ADGRV1: variants seen among roughly 807,000 people sequenced by gnomAD.
ADGRV1 encodes the protein adhesion G protein-coupled receptor V1, also known as G-protein coupled receptor 98.
A neutral mutation model predicts 596.2 loss-of-function variants in ADGRV1; 359 were observed. That is an observed-to-expected ratio of 0.60 (90% CI 0.55 to 0.66). ADGRV1 has a LOEUF of 0.66. Among genes scored for constraint, ADGRV1 ranks in the 30% least tolerant of loss-of-function variants. ADGRV1 has a pLI of 0.00. For missense variants in ADGRV1, 7,274 were observed against 7,575.6 expected (o/e 0.96, Z 1.48); for synonymous variants, 2,681 against 2,679.2 (o/e 1.00, Z -0.02).
At position 90,710,318 on chromosome 5, in the gene ADGRV1, A is replaced by C. The variant is rs1424405281; in HGVS notation, c.8825-663A>C. Among the ~76,000 whole-genome samples, 5 of 152,232 alleles carry C rather than the reference A, an allele frequency of 3.3e-5. No individual in the cohort carries two copies. The East Asian group carries it at 9.6e-4, about 29-fold the overall frequency. On this transcript the variant is annotated intron_variant, in intron 39 of 89. Transcript: ENST00000405460. Reference sequence around the variant, plus strand: ...AATATTTTAAGACTAGCCCAGGAGCAGGGTTAGTAATATTTTAAGACTGAA... The same window carrying C: ...AATATTTTAAGACTAGCCCAGGAGCCGGGTTAGTAATATTTTAAGACTGAA...
At chr5:90,817,908 G>T (rs984365146) in intron 75 of ADGRV1, among the ~76,000 whole-genome samples, 5 of 152,112 alleles carry the variant, frequency 3.3e-5, no homozygotes, top group Non-Finnish European at 7.3e-5. Flanking sequence ...CTCTTTTTTG[G>T]TTCCATACAA....
chr5:90,627,298 A>T lies in ADGRV1; in HGVS notation c.760A>T (p.Ile254Phe). The part of the protein sequence containing the change: ...EINTSRNSIE[I>F]IIKKNDSPVR... ...TAACACCTCTAGGAATTCCATTGAG[A>T]TCATCATTAAGAAAAATGATAGTCC... Residue 254 changes from isoleucine (I) to phenylalanine (F), a missense_variant, in exon 7 of 90, where the codon ATC becomes TTC. Physicochemically the swap from Ile to Phe is conservative, Grantham distance 21 (BLOSUM62 0). Coordinates refer to ENST00000405460, the MANE Select transcript of ADGRV1 (RefSeq NM_032119.4). 1 of 1,612,656 alleles carries T rather than the reference A, an allele frequency of 6.2e-7. No homozygotes were observed.
intron 87 of ADGRV1, among the ~76,000 whole-genome samples, chr5:91,103,701 G>A (rs1791595790): frequency 6.6e-6 from 1 of 152,016 alleles, no homozygotes; most frequent in South Asian, 2.1e-4. Context: ...TTTTTTTGAA[G>A]GCAGTATTTG....
intron 1 of ADGRV1, among the ~76,000 whole-genome samples, chr5:90,575,531 G>T (rs1291855752): frequency 2.0e-5 from 3 of 152,166 alleles, no homozygotes; most frequent in African/African-American, 7.2e-5. Context: ...ATTGCAGGAT[G>T]GCCCTTTTCA....
intron 33 of ADGRV1, among the ~76,000 whole-genome samples, chr5:90,696,365 G>A (rs1193944094): frequency 6.6e-6 from 1 of 151,986 alleles, no homozygotes; most frequent in Non-Finnish European, 1.5e-5. Flanking sequence ...CTGGAGACTG[G>A]TACTTGATGC....
At chr5:90,862,186 T>G (rs991213865) in intron 82 of ADGRV1, among the ~76,000 whole-genome samples, 21 of 152,246 alleles carry the variant, frequency 1.4e-4, no homozygotes, top group Non-Finnish European at 1.9e-4. Context: ...AAGCTCTTCT[T>G]GTGCACTAGA....
intron 86 of ADGRV1, among the ~76,000 whole-genome samples, chr5:91,075,465 T>C (rs1248127055): frequency 6.6e-6 from 1 of 152,120 alleles, no homozygotes; most frequent in African/African-American, 2.4e-5. Context: ...GTACCCTGAT[T>C]ATCAGAAAAA....
chr5:90,634,150 A>G (rs1765844840), intron 9 of ADGRV1, among the ~76,000 whole-genome samples: 1 of 152,176 alleles, frequency 6.6e-6, no homozygotes, highest in Non-Finnish European at 1.5e-5. Context: ...ACGATTACCT[A>G]TTCCTGCATT....
rs1581201283 is a variant in ADGRV1 at position 90,812,223 on chromosome 5, G to A, written c.16078+885G>A. Among the ~76,000 whole-genome samples the A allele has an allele frequency of 2.6e-5, 4 of 152,216 alleles. No individual in the cohort carries two copies. In the South Asian group the frequency reaches 8.3e-4, roughly 32 times the overall value. ...TTACAGGCGTGAGCCACTGCACCCG[G>A]CCTGAAATCATACTGTATTTCTTTA... On this transcript the variant is annotated intron_variant, in intron 74 of 89. Transcript: ENST00000405460.
chr5:90,829,804 A>G (rs951965960), intron 77 of ADGRV1, among the ~76,000 whole-genome samples: 3 of 151,996 alleles, frequency 2.0e-5, no homozygotes, highest in African/African-American at 7.3e-5. Flanking sequence ...TAGCAGTGAA[A>G]CTCTAATATA....
chr5:90,630,984 G>A (rs181849145), intron 9 of ADGRV1, among the ~76,000 whole-genome samples: 10 of 152,174 alleles, frequency 6.6e-5, no homozygotes, highest in African/African-American at 2.4e-4. Flanking sequence ...CTGTAGTTTT[G>A]TTGTAGTATA....
At chr5:90,823,281 G>C (rs1763762658) in intron 75 of ADGRV1, 144 bp from the exon 76 acceptor site, 1 of 788,528 alleles carries the variant, frequency 1.3e-6, no homozygotes, top group Non-Finnish European at 2.0e-6. Flanking sequence ...TGCATCATCA[G>C]TGGTAAAGTA....
At chr5:90,893,094 G>A (rs550292738) in intron 83 of ADGRV1, among the ~76,000 whole-genome samples, 2 of 152,198 alleles carry the variant, frequency 1.3e-5, no homozygotes, top group Admixed American at 1.3e-4. Context: ...GGGAGTTTTG[G>A]CTTCTGCTGT....
Position 90,783,184 on chromosome 5 carries a change from A to G in ADGRV1, c.13292A>G (p.Tyr4431Cys), listed in dbSNP as rs1191562408. The change falls in exon 66 of 90, where the codon TAT becomes TGT. Residue 4431 changes from tyrosine (Y) to cysteine (C), a missense_variant. Physicochemically the swap from Tyr to Cys is radical, Grantham distance 194 (BLOSUM62 -2). Around this residue, in one of 5 missense-constraint regions of ADGRV1, gnomAD observed 3,643 missense variants for 3,809.2 expected, o/e 0.96. Coordinates refer to ENST00000405460, the MANE Select transcript of ADGRV1 (RefSeq NM_032119.4). ...GTGAGGCTACATGGAACTTATGGCT[A>G]TGTGACAGCTGATTTCATCTCTCAG... ...PVVRLHGTYG[Y>C]VTADFISQSS... 6.2e-7 allele frequency: 1 copy of G among 1,613,680 alleles called. No individual in the cohort carries two copies. Among genetic ancestry groups the G allele is most frequent in the Non-Finnish European group, 8.5e-7 (1 of 1,179,664 alleles).
intron 70 of ADGRV1, chr5:90,792,242 A>G (rs1413095318): frequency 6.6e-6 from 1 of 152,130 alleles, no homozygotes; most frequent in Non-Finnish European, 1.5e-5. Context: ...ACCCAAATCA[A>G]CTCCATGAAG....
rs1769645040 is a variant in ADGRV1, at chr5:90,657,853, A to G, written c.4379-52A>G. 4.1e-6 allele frequency: 6 copies of G among 1,476,162 alleles called. No individual in the cohort carries two copies. The East Asian group carries it at 1.4e-4, about 34-fold the overall frequency. The allele number at this position is 1,476,162 out of a possible 1,614,324, so 91.4% of individuals were successfully genotyped here. On this transcript the variant is annotated intron_variant, in intron 20 of 89. Coordinates refer to ENST00000405460, the MANE Select transcript of ADGRV1 (RefSeq NM_032119.4). ...ACTTTCTGAATCACACGTAAAATTT[A>G]GGACAGGACACTTGAAGGTATTGTA...
chr5:90,726,636 C>T (rs1258086422), intron 48 of ADGRV1, among the ~76,000 whole-genome samples: 1 of 143,342 alleles, frequency 7.0e-6, no homozygotes, highest in African/African-American at 2.7e-5. Flanking sequence ...TTTCCTTTTC[C>T]CTTTCTCTCT....
At chr5:91,155,695 C>G (rs1356445479) in intron 89 of ADGRV1, among the ~76,000 whole-genome samples, 1 of 152,130 alleles carries the variant, frequency 6.6e-6, no homozygotes, top group Non-Finnish European at 1.5e-5. Context: ...CTCACTGATA[C>G]TTTGCATAAT....
At position 90,653,872 on chromosome 5, in the gene ADGRV1, A is replaced by G; in HGVS notation, c.4298A>G (p.Asp1433Gly). The G allele has an allele frequency of 1.2e-6, 2 of 1,604,794 alleles. No homozygotes were observed. The highest frequency in any genetic ancestry group is 1.7e-6 in the Non-Finnish European group (2 of 1,175,206). The part of the protein sequence containing the change: ...VWLHLLIILE[D>G]GIIEFYLDGN... ...CTTCATCTACTAATTATCCTGGAGG[A>G]TGGTATAATCGAATTCTACCTGGAT... Residue 1433 changes from aspartate (D) to glycine (G), a missense_variant, in exon 20 of 90, where the codon GAT becomes GGT. This residue lies in a region of ADGRV1 where 38 missense variants were observed against 66.7 expected (regional missense o/e 0.57). Coordinates refer to ENST00000405460, the MANE Select transcript of ADGRV1 (RefSeq NM_032119.4).
Sources: allele counts gnomAD v4.1 joint callset (sites outside exome capture counted in the v4.1 genomes callset), GRCh38; gene constraint gnomAD v4.1.1; regional missense constraint gnomAD v4.1.1; transcripts MANE v1.5; gene names NCBI Gene and HGNC (gene_info 2026-07-23, HGNC 2026-07-21).